Variants in LINGO2 observed in about 807,000 individuals in gnomAD.
LINGO2 encodes the protein leucine rich repeat and Ig domain containing 2.
In LINGO2, 14 loss-of-function variants were observed where a neutral mutation model predicts 30.6. That is an observed-to-expected ratio of 0.46 (90% CI 0.30 to 0.72). The LOEUF is 0.72. LINGO2 is among the 30% of genes least tolerant of loss of function. LINGO2 has a pLI of 0.07. For missense variants in LINGO2, 729 were observed against 751.7 expected (o/e 0.97, Z 0.35); for synonymous variants, 317 against 288.5 (o/e 1.10, Z -1.00).
the LINGO2 span, among the ~76,000 whole-genome samples, chr9:28,751,573 A>C: frequency 6.6e-6 from 1 of 152,060 alleles, no homozygotes; most frequent in South Asian, 2.1e-4. Context: ...TTCAGTGAAC[A>C]AACATTGCAC....
At chr9:27,967,807 A>C (rs1820171242) in intron 5 of LINGO2, among the ~76,000 whole-genome samples, 1 of 152,146 alleles carries the variant, frequency 6.6e-6, no homozygotes, top group East Asian at 1.9e-4. Context: ...ATACAGCTGC[A>C]TCTAAAATTC....
At chr9:28,850,455 C>A in the LINGO2 span, among the ~76,000 whole-genome samples, 1 of 151,938 alleles carries the variant, frequency 6.6e-6, no homozygotes, top group Non-Finnish European at 1.5e-5. Context: ...CTGACTCCCT[C>A]TCCCCCAGCC....
intron 3 of LINGO2, among the ~76,000 whole-genome samples, chr9:28,314,650 A>C (rs1824767011): frequency 1.3e-5 from 2 of 152,196 alleles, no homozygotes; most frequent in South Asian, 4.1e-4. Flanking sequence ...TTTCACATTA[A>C]AAATCTGAAT....
rs890293794 is a variant in LINGO2, at chr9:28,547,057, C to A, written c.-364-71032G>T. On this transcript the variant is annotated intron_variant, in intron 1 of 5. Transcript: ENST00000379992. ...CCATCAAATAATTCCAAGTGAAATA[C>A]TAGAAAAAGGAAGGTGGGCATTGTG... 3.3e-5 allele frequency among the ~76,000 whole-genome samples: 5 copies of A among 152,010 alleles called. No individual in the cohort carries two copies. The South Asian group carries it at 6.2e-4, about 19-fold the overall frequency.
intron 1 of LINGO2, among the ~76,000 whole-genome samples, chr9:28,530,869 C>T (rs1289167550): frequency 2.6e-5 from 4 of 151,720 alleles, no homozygotes; most frequent in Non-Finnish European, 5.9e-5. Context: ...ACATCTTTTT[C>T]TGCACCTAGT....
At chr9:28,982,317 G>A in the LINGO2 span, among the ~76,000 whole-genome samples, 24 of 152,108 alleles carry the variant, frequency 1.6e-4, no homozygotes, top group African/African-American at 5.5e-4. Context: ...ACTAATAATT[G>A]AAAAAGTCTT....
chr9:28,960,143 G>T, the LINGO2 span, among the ~76,000 whole-genome samples: 1 of 152,096 alleles, frequency 6.6e-6, no homozygotes, highest in Non-Finnish European at 1.5e-5. Flanking sequence ...GTAGGATTTT[G>T]ACTAAAAGCA....
chr9:28,038,985 T>C (rs1824074806), intron 4 of LINGO2, among the ~76,000 whole-genome samples: 1 of 152,242 alleles, frequency 6.6e-6, no homozygotes, highest in Non-Finnish European at 1.5e-5. Flanking sequence ...TACAATTCTT[T>C]TTGATTGTGT....
At chr9:27,995,150 TA>T (rs1212731097) in intron 5 of LINGO2, among the ~76,000 whole-genome samples, 1 of 152,070 alleles carries the variant, frequency 6.6e-6, no homozygotes, top group Non-Finnish European at 1.5e-5. Flanking sequence ...AAGAAATGGA[TA>T]AATTCTTAAA....
intron 5 of LINGO2, among the ~76,000 whole-genome samples, chr9:28,007,741 C>T (rs1173600432): frequency 3.3e-5 from 5 of 152,100 alleles, no homozygotes; most frequent in Admixed American, 1.3e-4. Flanking sequence ...TTTTTATTTT[C>T]ATAACAATCA....
intron 4 of LINGO2, among the ~76,000 whole-genome samples, chr9:28,268,103 T>A (rs2134075644): frequency 6.6e-6 from 1 of 152,078 alleles, no homozygotes; most frequent in East Asian, 1.9e-4. Context: ...CACAAACACA[T>A]AATTCTTTGC....
At chr9:28,141,233 C>T (rs1483968443) in intron 4 of LINGO2, among the ~76,000 whole-genome samples, 2 of 152,204 alleles carry the variant, frequency 1.3e-5, no homozygotes, top group African/African-American at 2.4e-5. Flanking sequence ...GTCTGGCCCT[C>T]ACTTTGGAAT....
intron 4 of LINGO2, among the ~76,000 whole-genome samples, chr9:28,087,630 A>T (rs1587829056): frequency 1.3e-5 from 2 of 152,130 alleles, no homozygotes; most frequent in South Asian, 4.1e-4. Flanking sequence ...GGTGTTCAGC[A>T]CCCAGATACA....
At chr9:28,241,394 G>A (rs934427815) in intron 4 of LINGO2, among the ~76,000 whole-genome samples, 4 of 151,914 alleles carry the variant, frequency 2.6e-5, no homozygotes, top group African/African-American at 9.7e-5. Context: ...CAAACAGTGT[G>A]CAAGTCCTGC....
At chr9:28,898,713 C>A in the LINGO2 span, among the ~76,000 whole-genome samples, 1 of 151,900 alleles carries the variant, frequency 6.6e-6, no homozygotes. Context: ...TACAATATTG[C>A]AAAATTAATG....
At chr9:27,975,662 G>C (rs941510674) in intron 5 of LINGO2, among the ~76,000 whole-genome samples, 1 of 152,030 alleles carries the variant, frequency 6.6e-6, no homozygotes, top group South Asian at 2.1e-4. Flanking sequence ...CGTAAATTTT[G>C]TGTAACCAAA....
At chr9:29,137,967 G>A in the LINGO2 span, among the ~76,000 whole-genome samples, 2 of 151,808 alleles carry the variant, frequency 1.3e-5, no homozygotes, top group Non-Finnish European at 2.9e-5. Context: ...GCTTCAATCA[G>A]TACCTAGGAA....
chr9:29,163,900 G>A, the LINGO2 span, among the ~76,000 whole-genome samples: 2 of 152,070 alleles, frequency 1.3e-5, no homozygotes, highest in Non-Finnish European at 2.9e-5. Context: ...ATCAAAGGAG[G>A]GAGTCTATTT....
chr9:29,147,831 C>T, the LINGO2 span, among the ~76,000 whole-genome samples: 1 of 151,920 alleles, frequency 6.6e-6, no homozygotes, highest in African/African-American at 2.4e-5. Flanking sequence ...AAATTAAAAC[C>T]ATCTGCAAAC....
Sources: gnomAD v4.1 joint callset for allele counts (sites outside exome capture counted in the v4.1 genomes callset) on GRCh38, gnomAD v4.1.1 for gene constraint, MANE v1.5 for transcripts, NCBI Gene and HGNC (gene_info 2026-07-23, HGNC 2026-07-21) for gene names.